The following FBN1 variants were observed in gnomAD, a reference collection of about 807,000 sequenced individuals.
FBN1 encodes the protein fibrillin-1.
FBN1 carries 29 observed loss-of-function variants against 365.1 expected under a neutral mutation model. The observed-to-expected ratio is 0.08, with a 90% CI of 0.06 to 0.11. FBN1 has a LOEUF of 0.11. Among genes scored for constraint, FBN1 ranks in the 10% least tolerant of loss-of-function variants. The pLI is 1.00. For synonymous variants in FBN1, 1,210 were observed against 1,270.5 expected (o/e 0.95, Z 1.01); for missense variants, 2,476 against 3,703.2 (o/e 0.67, Z 8.60).
intron 17 of FBN1, among the ~76,000 whole-genome samples, chr15:48,499,993 A>T (rs1171049644): frequency 6.6e-6 from 1 of 152,210 alleles, no homozygotes; most frequent in Non-Finnish European, 1.5e-5. Flanking sequence ...TTGCATCCTG[A>T]TGACATTGGA....
chr15:48,535,584 A>G (rs1434988208), intron 7 of FBN1, among the ~76,000 whole-genome samples: 4 of 152,244 alleles, frequency 2.6e-5, no homozygotes, highest in African/African-American at 9.6e-5. Context: ...GAAACCTGGA[A>G]GCTTAATGTG....
chr15:48,460,184 A>T (rs538808285), intron 43 of FBN1, 62 bp downstream of exon 43: 1 of 1,267,038 alleles, frequency 7.9e-7, no homozygotes, highest in South Asian at 1.2e-5. Flanking sequence ...TGGGAACTGA[A>T]AAAATAATGC....
At chr15:48,642,779 T>C (rs1054988220) in intron 2 of FBN1, 5 of 152,122 alleles carry the variant, frequency 3.3e-5, no homozygotes, top group Non-Finnish European at 5.9e-5. Context: ...TAATACCCTG[T>C]TTTTAGGAAG....
chr15:48,438,000 A>G, intron 50 of FBN1, 83 bp from the exon 51 acceptor site: 3 of 1,356,290 alleles, frequency 2.2e-6, no homozygotes, highest in Admixed American at 1.7e-5. Flanking sequence ...ACAACCCACT[A>G]TGTTATATAT....
intron 2 of FBN1, chr15:48,640,950 T>A (rs559552269): frequency 3.3e-5 from 5 of 152,310 alleles, no homozygotes; most frequent in African/African-American, 1.2e-4. Flanking sequence ...ATTTAGAGTT[T>A]AGCTGAGAAA....
At chr15:48,429,502 G>A (rs1452425801) in intron 56 of FBN1, among the ~76,000 whole-genome samples, 1 of 152,142 alleles carries the variant, frequency 6.6e-6, no homozygotes, top group Admixed American at 6.6e-5. Context: ...ATAGTTCAGG[G>A]TCCCTCAGAT....
At chr15:48,528,207 G>A (rs955915500) in intron 8 of FBN1, among the ~76,000 whole-genome samples, 9 of 152,110 alleles carry the variant, frequency 5.9e-5, no homozygotes, top group African/African-American at 1.9e-4. Context: ...GCCACTTAGC[G>A]TACATCAATA....
intron 41 of FBN1, 81 bp from the exon 42 acceptor site, chr15:48,463,321 A>G (rs1306694147): frequency 3.0e-6 from 4 of 1,314,020 alleles, no homozygotes; most frequent in Non-Finnish European, 1.1e-6. Flanking sequence ...GTGGATACTC[A>G]ACAAGCAAGT....
chr15:48,563,656 G>A (rs1451626348), intron 6 of FBN1, among the ~76,000 whole-genome samples: 1 of 152,196 alleles, frequency 6.6e-6, no homozygotes, highest in Non-Finnish European at 1.5e-5. Context: ...CGCTCCCCAT[G>A]TATTTGGTAC....
chr15:48,469,780 G>GA (rs1452025222), intron 36 of FBN1, among the ~76,000 whole-genome samples: 2 of 152,078 alleles, frequency 1.3e-5, no homozygotes, highest in Non-Finnish European at 2.9e-5. Flanking sequence ...TGGAGAGGGG[G>GA]ACTTCCTGAG....
At chr15:48,444,714 C>A in intron 48 of FBN1, 54 bp from the exon 49 acceptor site, 1 of 1,600,826 alleles carries the variant, frequency 6.2e-7, no homozygotes, top group South Asian at 1.1e-5. Context: ...TGACTTCCAT[C>A]AAACAATTAA....
intron 35 of FBN1, 42 bp downstream of exon 35, chr15:48,472,509 A>G (rs1289457177): frequency 2.0e-5 from 33 of 1,611,660 alleles, no homozygotes; most frequent in Non-Finnish European, 2.5e-5. Flanking sequence ...ACCTAATCTC[A>G]TCAAGCCCAG....
At chr15:48,421,518 A>G (rs765924733) in intron 62 of FBN1, 40 bp downstream of exon 62, 9 of 1,605,830 alleles carry the variant, frequency 5.6e-6, no homozygotes, top group South Asian at 2.2e-5. Flanking sequence ...CACCTCCACA[A>G]GGATTCACCA....
chr15:48,471,765 G>T (rs994437720), intron 35 of FBN1, among the ~76,000 whole-genome samples: 1 of 152,202 alleles, frequency 6.6e-6, no homozygotes, highest in South Asian at 2.1e-4. Flanking sequence ...AACTTCTACT[G>T]ACAATCGTTA....
intron 4 of FBN1, among the ~76,000 whole-genome samples, chr15:48,607,858 T>C (rs2044626532): frequency 6.6e-6 from 1 of 152,226 alleles, no homozygotes; most frequent in Non-Finnish European, 1.5e-5. Context: ...TAAACCATGA[T>C]AGGTCTTTAT....
chr15:48,452,478 T>C, intron 45 of FBN1, 84 bp downstream of exon 45: 1 of 1,489,962 alleles, frequency 6.7e-7, no homozygotes, highest in Non-Finnish European at 9.4e-7. Context: ...TCAGCTTAAC[T>C]ATCTGAAAAT....
intron 6 of FBN1, among the ~76,000 whole-genome samples, chr15:48,573,163 C>A (rs1242197609): frequency 6.6e-6 from 1 of 152,134 alleles, no homozygotes; most frequent in Non-Finnish European, 1.5e-5. Flanking sequence ...AGAAATCTTT[C>A]TTTGAGATCT....
intron 6 of FBN1, among the ~76,000 whole-genome samples, chr15:48,538,305 C>G (rs1399714029): frequency 1.3e-5 from 2 of 152,202 alleles, no homozygotes; most frequent in African/African-American, 4.8e-5. Context: ...GTCATGGCAC[C>G]TTCTTCCTGG....
intron 6 of FBN1, among the ~76,000 whole-genome samples, 157 bp from the exon 7 acceptor site, chr15:48,537,965 C>T (rs1012002872): frequency 1.3e-5 from 2 of 152,168 alleles, no homozygotes; most frequent in African/African-American, 2.4e-5. Flanking sequence ...CTTGGATAGA[C>T]CATTCTACTT....
Sources: gnomAD v4.1 joint callset for allele counts (sites outside exome capture counted in the v4.1 genomes callset) on GRCh38, gnomAD v4.1.1 for gene constraint, MANE v1.5 for transcripts, NCBI Gene and HGNC (gene_info 2026-07-23, HGNC 2026-07-21) for gene names.